The following SNN variants were observed in gnomAD, a reference collection of about 807,000 sequenced individuals.
SNN encodes the protein stannin.
Under a neutral mutation model 5.3 loss-of-function variants are expected in SNN, and 5 were observed. The ratio of observed to expected loss-of-function variants is 0.94; its 90% CI spans 0.49 to 1.97. SNN has a LOEUF of 1.97. SNN is among the 30% of genes most tolerant of loss of function. The pLI is 0.01. For synonymous variants in SNN, 67 were observed against 52.1 expected, an observed-to-expected ratio of 1.29 and a Z score of -1.24; for missense variants, 127 against 121.6, an observed-to-expected ratio of 1.04 and a Z score of -0.21.
chr16:11,672,474 C>T lies in SNN; in HGVS notation c.-85-3501C>T, dbSNP rs146761938. On this transcript the variant is annotated intron_variant, in intron 1 of 1. Coordinates refer to ENST00000329565, the MANE Select transcript of SNN (RefSeq NM_003498.6). This position sits in a 1 kb window ranked among gnomAD's most constrained non-coding sequence, Gnocchi z 6.0. ...GGGGCGGTCAGGGCAGAGGTGGGAG[C>T]GTGGGCTCGCAGCGGAGGGTGTGGG... Among the ~76,000 whole-genome samples the T allele has an allele frequency of 6.6e-6, 1 of 152,172 alleles. No individual in the cohort carries two copies. The highest frequency in any genetic ancestry group is 2.4e-5 in the African/African-American group (1 of 41,516).
chr16:11,673,749 G>C (rs953554904), intron 1 of SNN, among the ~76,000 whole-genome samples: 2 of 152,226 alleles, frequency 1.3e-5, no homozygotes, highest in Non-Finnish European at 2.9e-5. Context: ...AGGAGGGTTC[G>C]TTGCGGGGGT....
rs1470762201 is a variant in SNN, at chr16:11,672,067, AGTGTCAG to A, written c.-86+3529_-86+3535del. On this transcript the variant is annotated intron_variant, in intron 1 of 1. Coordinates refer to ENST00000329565, the MANE Select transcript of SNN (RefSeq NM_003498.6). This position sits in a 1 kb window ranked among gnomAD's most constrained non-coding sequence, Gnocchi z 6.0. ...TGCTCAGGGTTCTGGGAGTGCCCTG[AGTGTCAG>A]GGACCCCCCCACCTATGATCCCCCT... Among the ~76,000 whole-genome samples the A allele has an allele frequency of 6.7e-6, 1 of 149,104 alleles. No individual in the cohort carries two copies. The highest frequency in any genetic ancestry group is 2.4e-5 in the African/African-American group (1 of 41,164).
At position 11,672,617 on chromosome 16, in the gene SNN, T is replaced by C. The variant is rs1313285082; in HGVS notation, c.-85-3358T>C. Among the ~76,000 whole-genome samples the C allele has an allele frequency of 6.6e-6, 1 of 152,156 alleles. No homozygotes were observed. The highest frequency in any genetic ancestry group is 2.4e-5 in the African/African-American group (1 of 41,424). On this transcript the variant is annotated intron_variant, in intron 1 of 1. Coordinates refer to ENST00000329565, the MANE Select transcript of SNN (RefSeq NM_003498.6). The surrounding 1 kb of genome is among the most constrained non-coding windows in gnomAD (Gnocchi z 6.0). Reference sequence around the variant, plus strand: ...TCTCAGGAAACATTTGCTGAGTGAATGAAGGAACAGATACGCACTCGGGAG... The same window carrying C: ...TCTCAGGAAACATTTGCTGAGTGAACGAAGGAACAGATACGCACTCGGGAG...
intron 1 of SNN, among the ~76,000 whole-genome samples, chr16:11,674,328 C>G (rs1013702256): frequency 2.0e-5 from 3 of 152,180 alleles, no homozygotes; most frequent in African/African-American, 7.2e-5. Context: ...GCGAGCGAGG[C>G]AGGAGAGGGA....
intron 1 of SNN, among the ~76,000 whole-genome samples, chr16:11,670,701 C>T (rs1303629494): frequency 2.6e-5 from 4 of 152,200 alleles, no homozygotes; most frequent in South Asian, 2.1e-4. Context: ...GGAAGCAGGC[C>T]GCAAAAGTGA....
intron 1 of SNN, among the ~76,000 whole-genome samples, chr16:11,675,467 A>G (rs563380355): frequency 3.9e-4 from 59 of 152,122 alleles, no homozygotes; most frequent in African/African-American, 1.3e-3. Context: ...AGGTTTCACT[A>G]TGTTGGCCAG....
chr16:11,673,649 G>T (rs1022851108), intron 1 of SNN, among the ~76,000 whole-genome samples: 2 of 152,204 alleles, frequency 1.3e-5, no homozygotes, highest in African/African-American at 4.8e-5. Flanking sequence ...CCAGGGTGGG[G>T]ACACAGTGGC....
rs1345563907 is a variant in SNN, at chr16:11,676,636, C to T, written c.*310C>T. ...TTTTGATGGAGCTACTACTGTAATG[C>T]GTGAACTAACAAACCTGTGAACTGT... On this transcript the variant is annotated 3_prime_UTR_variant, in exon 2 of 2. Transcript: ENST00000329565. The T allele has an allele frequency of 8.2e-6, 3 of 367,692 alleles. No homozygotes were observed. Among genetic ancestry groups the T allele is most frequent in the East Asian group, 4.6e-5 (1 of 21,770 alleles). 22.8% of individuals were successfully genotyped at this position (367,692 alleles called of 1,614,324 possible).
Position 11,676,583 on chromosome 16 carries a change from TG to T in SNN, c.*258del. ...GGGGCTCATGGCCCTGTAGCGCTTT[TG>T]TTACTTGAATGTCTAGCTGAGCCTG... is the stretch of plus-strand genomic sequence containing the variant. On this transcript the variant is annotated 3_prime_UTR_variant, in exon 2 of 2. Transcript: ENST00000329565. 3.9e-6 allele frequency: 2 copies of T among 513,172 alleles called. No individual in the cohort carries two copies. The highest frequency in any genetic ancestry group is 6.6e-5 in the South Asian group (2 of 30,308). 31.8% of individuals were successfully genotyped at this position (513,172 alleles called of 1,614,324 possible).
intron 1 of SNN, among the ~76,000 whole-genome samples, chr16:11,675,273 T>TC (rs2050292762): frequency 6.8e-6 from 1 of 146,830 alleles, no homozygotes; most frequent in Middle Eastern, 3.4e-3. Flanking sequence ...TTTTTTTTTT[T>TC]TTTTGAAGAG....
At position 11,679,131 on chromosome 16, in the gene SNN, A is replaced by G. The variant is rs2050337740; in HGVS notation, c.*2805A>G. On this transcript the variant is annotated 3_prime_UTR_variant, in exon 2 of 2. Transcript: ENST00000329565. This position sits in a 1 kb window ranked among gnomAD's most constrained non-coding sequence, Gnocchi z 4.6. ...TTTATTTACAATAAATTTCAATAAA[A>G]TTTGCATAAATATATTCCCAATGTA... The G allele has an allele frequency of 6.6e-7, 1 of 1,509,346 alleles. No homozygotes were observed. 93.5% of individuals were successfully genotyped at this position (1,509,346 alleles called of 1,614,324 possible).
At position 11,671,169 on chromosome 16, in the gene SNN, T is replaced by C. The variant is rs773376972; in HGVS notation, c.-86+2629T>C. On this transcript the variant is annotated intron_variant, in intron 1 of 1. Transcript: ENST00000329565. This position sits in a 1 kb window ranked among gnomAD's most constrained non-coding sequence, Gnocchi z 4.7. ...TGTCCTGTGCTGCAGTTGACCTCCT[T>C]TGGGGTTGTTTGAGGATGCTGGGGC... Among the ~76,000 whole-genome samples the C allele has an allele frequency of 6.6e-6, 1 of 152,020 alleles. No individual in the cohort carries two copies. The highest frequency in any genetic ancestry group is 1.9e-4 in the East Asian group (1 of 5,184).
rs1051558662 is a variant in SNN at position 11,677,525 on chromosome 16, G to C, written c.*1199G>C. 1 of 167,054 alleles carries C rather than the reference G, an allele frequency of 6.0e-6. No homozygotes were observed. Among genetic ancestry groups the C allele is most frequent in the Non-Finnish European group, 1.5e-5 (1 of 68,142 alleles). 10.3% of individuals were successfully genotyped at this position (167,054 alleles called of 1,614,324 possible). ...AGAGCCACCAGACTGCTTCCTGCCA[G>C]CCTGTGCTTGCGGCAGGGAGCCGGG... On this transcript the variant is annotated 3_prime_UTR_variant, in exon 2 of 2. Transcript: ENST00000329565. The surrounding 1 kb of genome is among the most constrained non-coding windows in gnomAD (Gnocchi z 4.2).
rs757806788 is a variant in SNN, at chr16:11,678,502, C to G, written c.*2176C>G. 1.2e-5 allele frequency: 2 copies of G among 167,062 alleles called. No individual in the cohort carries two copies. The highest frequency in any genetic ancestry group is 2.9e-5 in the Non-Finnish European group (2 of 68,168). The allele number at this position is 167,062 out of a possible 1,614,324, so 10.3% of individuals were successfully genotyped here. On this transcript the variant is annotated 3_prime_UTR_variant, in exon 2 of 2. Transcript: ENST00000329565. ...GTCAGCCTTGGCCTGGGGTTTTGAC[C>G]TTGCCAGTGAAGTTTCGGTTTTGAA...
chr16:11,674,458 G>T (rs867445510), intron 1 of SNN, among the ~76,000 whole-genome samples: 15 of 152,202 alleles, frequency 9.9e-5, no homozygotes, highest in African/African-American at 3.6e-4. Flanking sequence ...TCACCTAGAG[G>T]GTTGACAGGG....
intron 1 of SNN, among the ~76,000 whole-genome samples, chr16:11,675,096 G>A (rs762108490): frequency 2.0e-4 from 31 of 152,204 alleles, no homozygotes; most frequent in South Asian, 6.2e-4. Context: ...ATGGTGTGCC[G>A]CGTTCCAGGG....
intron 1 of SNN, among the ~76,000 whole-genome samples, chr16:11,670,601 C>A (rs2050260624): frequency 6.6e-6 from 1 of 151,412 alleles, no homozygotes; most frequent in Admixed American, 6.5e-5. Flanking sequence ...TTCTCATCCT[C>A]CCCACGACCT....
chr16:11,674,182 T>C (rs2050283740), intron 1 of SNN, among the ~76,000 whole-genome samples: 1 of 152,184 alleles, frequency 6.6e-6, no homozygotes, highest in Admixed American at 6.5e-5. Context: ...CTGATGTCAG[T>C]CTTATCCAAA....
In SNN at chr16:11,679,047, C is replaced by T. The variant is rs2050335876; in HGVS notation, c.*2721C>T. The T allele has an allele frequency of 1.2e-6, 1 of 843,768 alleles. No homozygotes were observed. Among genetic ancestry groups the T allele is most frequent in the Non-Finnish European group, 1.8e-6 (1 of 546,072 alleles). The allele number at this position is 843,768 out of a possible 1,614,324, so 52.3% of individuals were successfully genotyped here. ...GTGCAATAAGTGGAAGGGATGTCAT[C>T]CTTCTTCAATAAATGCTGAATGACA... is the stretch of plus-strand genomic sequence containing the variant. On this transcript the variant is annotated 3_prime_UTR_variant, in exon 2 of 2. Transcript: ENST00000329565. The surrounding 1 kb of genome is among the most constrained non-coding windows in gnomAD (Gnocchi z 4.6).
Sources: gnomAD v4.1 joint callset for allele counts (sites outside exome capture counted in the v4.1 genomes callset) on GRCh38, gnomAD v4.1.1 for gene constraint, Gnocchi (gnomAD v3.1) non-coding constraint, MANE v1.5 for transcripts, NCBI Gene and HGNC (gene_info 2026-07-23, HGNC 2026-07-21) for gene names.